Variants in HTR2A observed in about 807,000 individuals in gnomAD.
The protein encoded by HTR2A is 5-hydroxytryptamine receptor 2A.
A neutral mutation model predicts 31.0 loss-of-function variants in HTR2A; 14 were observed. The observed-to-expected ratio is 0.45, with a 90% CI of 0.30 to 0.71. The LOEUF is 0.71. Ranked by LOEUF, HTR2A falls within the 30% of genes least tolerant of loss-of-function variation. HTR2A has a pLI of 0.09. For missense variants in HTR2A, 442 were observed against 573.3 expected (o/e 0.77, Z 2.34); for synonymous variants, 209 against 225.2 (o/e 0.93, Z 0.64).
In HTR2A at chr13:46,892,435, T is replaced by C; in HGVS notation, c.568A>G (p.Thr190Ala). ...GCAATGATTTTCAGAAATGCCTTAG[T>C]TCTGGAGTTGAAGCGGCTGTGGTGG... Reference protein sequence around the residue: ...PIHHSRFNSRTKAFLKIIAVW... With the variant: ...PIHHSRFNSRAKAFLKIIAVW... The change falls in exon 3 of 4, where the codon ACT becomes GCT. Residue 190 changes from threonine to alanine, a missense_variant. Thr to Ala is a moderately conservative substitution (Grantham distance 58). Coordinates refer to ENST00000542664, the MANE Select transcript of HTR2A (RefSeq NM_000621.5). The C allele has an allele frequency of 1.2e-6, 2 of 1,614,226 alleles. No homozygotes were observed. The highest frequency in any genetic ancestry group is 1.7e-6 in the Non-Finnish European group (2 of 1,180,038).
At chr13:46,843,509 T>G (rs1031976852) in intron 3 of HTR2A, among the ~76,000 whole-genome samples, 5 of 151,890 alleles carry the variant, frequency 3.3e-5, no homozygotes, top group African/African-American at 1.2e-4. Flanking sequence ...CAAAGACGCA[T>G]AGTAGGGAGG....
intron 3 of HTR2A, among the ~76,000 whole-genome samples, chr13:46,873,147 ACTTT>A (rs939707764): frequency 2.8e-5 from 4 of 141,722 alleles, no homozygotes; most frequent in Admixed American, 7.1e-5. Context: ...CATCTATTTT[ACTTT>A]CTTTTTTTTT....
chr13:46,873,221 C>G (rs1950877683), intron 3 of HTR2A, among the ~76,000 whole-genome samples: 1 of 150,880 alleles, frequency 6.6e-6, no homozygotes, highest in Non-Finnish European at 1.5e-5. Context: ...GTTAAAATGT[C>G]CTATCAAGTA....
intron 3 of HTR2A, among the ~76,000 whole-genome samples, chr13:46,861,978 A>C (rs138133251): frequency 1.3e-3 from 202 of 152,340 alleles, no homozygotes; most frequent in Admixed American, 4.8e-3. Flanking sequence ...TTGTTTGTCT[A>C]TAAGATAGAA....
chr13:46,889,754 C>G (rs1951036315), intron 3 of HTR2A, among the ~76,000 whole-genome samples: 1 of 152,096 alleles, frequency 6.6e-6, no homozygotes, highest in Non-Finnish European at 1.5e-5. Flanking sequence ...ACAAAGCAAA[C>G]AAAAAACTAA....
At chr13:46,856,585 T>G (rs560484276) in intron 3 of HTR2A, among the ~76,000 whole-genome samples, 2 of 149,752 alleles carry the variant, frequency 1.3e-5, no homozygotes, top group Non-Finnish European at 2.9e-5. Context: ...AGGCTTTAAC[T>G]CTCTTAGTTA....
Position 46,895,532 on chromosome 13 carries a change from G to A in HTR2A, c.375C>T (p.Phe125=), listed in dbSNP as rs1185553887. 3.1e-6 allele frequency: 5 copies of A among 1,614,080 alleles called. No individual in the cohort carries two copies. Among genetic ancestry groups the A allele is most frequent in the Non-Finnish European group, 4.2e-6 (5 of 1,180,036 alleles). ...SLAIADMLLG[F]LVMPVSMLTI... is the part of the protein sequence containing the mutation. ...TTAACATGGACACGGGCATGACAAG[G>A]AAACCCAGCAGCATATCAGCTATGG... Residue 125 remains phenylalanine, a synonymous_variant, in exon 2 of 4, where the codon TTC becomes TTT. Transcript: ENST00000542664. The surrounding 1 kb of genome is among the most constrained non-coding windows in gnomAD (Gnocchi z 4.4).
chr13:46,843,974 C>G (rs1221980793), intron 3 of HTR2A, among the ~76,000 whole-genome samples: 1 of 152,164 alleles, frequency 6.6e-6, no homozygotes, highest in Non-Finnish European at 1.5e-5. Flanking sequence ...AAACGTATCT[C>G]AAGGCACATC....
chr13:46,839,767 C>G (rs1950584581), intron 3 of HTR2A, among the ~76,000 whole-genome samples: 1 of 152,128 alleles, frequency 6.6e-6, no homozygotes, highest in Non-Finnish European at 1.5e-5. Flanking sequence ...CACCTAAGAA[C>G]ACAAAAGCTT....
chr13:46,850,206 T>C (rs1448550666), intron 3 of HTR2A, among the ~76,000 whole-genome samples: 1 of 152,210 alleles, frequency 6.6e-6, no homozygotes, highest in African/African-American at 2.4e-5. Context: ...CATCTTTACA[T>C]GCTAACAGTG....
chr13:46,875,184 G>A (rs61948329), intron 3 of HTR2A, among the ~76,000 whole-genome samples: 52 of 152,228 alleles, frequency 3.4e-4, no homozygotes, highest in Admixed American at 2.6e-4. Context: ...TATTAATTAT[G>A]GGAATATAGC....
At chr13:46,845,166 A>G (rs1270178191) in intron 3 of HTR2A, among the ~76,000 whole-genome samples, 2 of 152,196 alleles carry the variant, frequency 1.3e-5, no homozygotes, top group Non-Finnish European at 2.9e-5. Context: ...TGATTTAGGA[A>G]GGCAGCAGTG....
intron 3 of HTR2A, among the ~76,000 whole-genome samples, chr13:46,865,258 A>C (rs956548762): frequency 6.6e-6 from 1 of 152,248 alleles, no homozygotes; most frequent in Non-Finnish European, 1.5e-5. Context: ...ATGTGATAAC[A>C]GCAAGTAGAT....
chr13:46,880,560 C>T (rs898710258), intron 3 of HTR2A, among the ~76,000 whole-genome samples: 7 of 152,120 alleles, frequency 4.6e-5, no homozygotes, highest in African/African-American at 9.7e-5. Flanking sequence ...CACTTCTGAC[C>T]GGGCATGGTG....
intron 3 of HTR2A, among the ~76,000 whole-genome samples, chr13:46,874,812 C>A (rs1950894158): frequency 6.6e-6 from 1 of 152,208 alleles, no homozygotes; most frequent in East Asian, 1.9e-4. Context: ...CAAAAGGAAC[C>A]TCGTTTCCTT....
Position 46,895,862 on chromosome 13 carries a change from C to T in HTR2A, c.45G>A (p.Thr15=), listed in dbSNP as rs577997891. ...CEENTSLSST[T]NSLMQLNDDT... is the part of the protein sequence containing the mutation. The stretch of plus-strand genomic sequence containing the variant: ...CATCATTTAATTGCATTAGGGAGTT[C>T]GTAGTTGAGCTCAAAGAAGTATTTT... The change falls in exon 2 of 4, where the codon ACG becomes ACA. Residue 15 remains threonine, a synonymous_variant. Transcript: ENST00000542664. The surrounding 1 kb of genome is among the most constrained non-coding windows in gnomAD (Gnocchi z 4.4). 45 of 1,613,162 alleles carry T rather than the reference C, an allele frequency of 2.8e-5. 1 individual carries two copies. The South Asian group carries it at 3.2e-4, about 11-fold the overall frequency.
At position 46,895,466 on chromosome 13, in the gene HTR2A, A is replaced by G. The variant is rs2138259763; in HGVS notation, c.412+29T>C. 6.2e-7 allele frequency: 1 copy of G among 1,603,092 alleles called. No homozygotes were observed. Among genetic ancestry groups the G allele is most frequent in the South Asian group, 1.1e-5 (1 of 88,824 alleles). On this transcript the variant is annotated intron_variant, in intron 2 of 3. Transcript: ENST00000542664. This position sits in a 1 kb window ranked among gnomAD's most constrained non-coding sequence, Gnocchi z 4.4. The stretch of plus-strand genomic sequence containing the variant: ...GCACATGCTCTTTATTACCAGTGCG[A>G]ATATAGCTGGGAAACTAATGCCACT...
intron 3 of HTR2A, among the ~76,000 whole-genome samples, chr13:46,860,174 C>T (rs1950769164): frequency 6.6e-6 from 1 of 152,106 alleles, no homozygotes. Flanking sequence ...GTGCTGAGGA[C>T]TGTGTGTGTT....
chr13:46,890,080 A>G (rs1313487418), intron 3 of HTR2A, among the ~76,000 whole-genome samples: 1 of 152,260 alleles, frequency 6.6e-6, no homozygotes, highest in Non-Finnish European at 1.5e-5. Context: ...GCAGTGGCTC[A>G]TGACTGTAAT....
Sources: gnomAD v4.1 joint callset for allele counts (sites outside exome capture counted in the v4.1 genomes callset) on GRCh38, gnomAD v4.1.1 for gene constraint, Gnocchi (gnomAD v3.1) non-coding constraint, MANE v1.5 for transcripts, NCBI Gene and HGNC (gene_info 2026-07-23, HGNC 2026-07-21) for gene names.